The following VIT variants were observed in gnomAD, a reference collection of about 807,000 sequenced individuals.
VIT encodes vitrin.
Under a neutral mutation model 78.0 loss-of-function variants are expected in VIT, and 99 were observed. The observed-to-expected ratio is 1.27, with a 90% CI of 1.08 to 1.50. The LOEUF is 1.50. Among genes scored for constraint, VIT ranks in the 40% most tolerant of loss-of-function variants. VIT has a pLI of 0.00. For synonymous variants in VIT, 374 were observed against 334.3 expected, an observed-to-expected ratio of 1.12 and a Z score of -1.29; for missense variants, 1,126 against 875.3, an observed-to-expected ratio of 1.29 and a Z score of -3.61.
At chr2:36,805,919 GC>G (rs1666688138) in intron 14 of VIT, among the ~76,000 whole-genome samples, 1 of 152,062 alleles carries the variant, frequency 6.6e-6, no homozygotes, top group Non-Finnish European at 1.5e-5. Flanking sequence ...TCCTTCCACA[GC>G]CCCAGGGGGG....
At chr2:36,781,195 C>T (rs1268077219) in intron 9 of VIT, among the ~76,000 whole-genome samples, 1 of 152,148 alleles carries the variant, frequency 6.6e-6, no homozygotes, top group Non-Finnish European at 1.5e-5. Flanking sequence ...GAAGGGAATT[C>T]AAACAGGTGG....
At chr2:36,750,518 A>G (rs1668392359) in intron 4 of VIT, among the ~76,000 whole-genome samples, 1 of 152,196 alleles carries the variant, frequency 6.6e-6, no homozygotes, top group Non-Finnish European at 1.5e-5. Flanking sequence ...CTCACCAAAG[A>G]TGACATTAAA....
At chr2:36,781,084 C>T (rs1664720764) in intron 9 of VIT, among the ~76,000 whole-genome samples, 1 of 152,158 alleles carries the variant, frequency 6.6e-6, no homozygotes, top group Non-Finnish European at 1.5e-5. Flanking sequence ...GTGCTACTTT[C>T]CTTTATTCTG....
Position 36,705,508 on chromosome 2 carries a change from C to T in VIT, c.-19+8535C>T, listed in dbSNP as rs147242158. ...GTCTGAAACACAAGACCAAAAAAGG[C>T]TTTCCCTTTTTGGTTTTCTGACATG... On this transcript the variant is annotated intron_variant, in intron 1 of 15. Transcript: ENST00000379242. Among the ~76,000 whole-genome samples the T allele has an allele frequency of 6.5e-4, 99 of 152,240 alleles. No individual in the cohort carries two copies. The East Asian group carries it at 0.017, about 26-fold the overall frequency.
chr2:36,729,115 A>AT (rs1341691087), intron 2 of VIT, among the ~76,000 whole-genome samples: 1 of 152,226 alleles, frequency 6.6e-6, no homozygotes, highest in Non-Finnish European at 1.5e-5. Context: ...TGTTTACAGT[A>AT]TTCAGTACAG....
At position 36,754,539 on chromosome 2, in the gene VIT, C is replaced by A. The variant is rs1470609598; in HGVS notation, c.276-382C>A. On this transcript the variant is annotated intron_variant, in intron 4 of 15. Transcript: ENST00000379242. ...GTTTACTTTTCATCATTTTATATCA[C>A]CCTTTGGAATAACTAAATTCATTCT... Among the ~76,000 whole-genome samples the A allele has an allele frequency of 3.3e-5, 5 of 152,146 alleles. 1 individual carries two copies. Among genetic ancestry groups the A allele is most frequent in the Admixed American group, 3.3e-4 (5 of 15,274 alleles).
In VIT at chr2:36,775,051, A is replaced by C. The variant is rs778625242; in HGVS notation, c.786A>C (p.Gly262=). The part of the protein sequence containing the change: ...PSGAAFQKPV[G]ADVSLGEMDS... Reference sequence around the variant, plus strand: ...GAGCTGCCTTCCAGAAACCTGTTGGAGCGGATGTCAGCCTGGGTAAGCTGC... The same window carrying C: ...GAGCTGCCTTCCAGAAACCTGTTGGCGCGGATGTCAGCCTGGGTAAGCTGC... Residue 262 remains glycine, a synonymous_variant, in exon 9 of 16, where the codon GGA becomes GGC. Transcript: ENST00000379242. 6 of 1,613,982 alleles carry C rather than the reference A, an allele frequency of 3.7e-6. No homozygotes were observed. The highest frequency in any genetic ancestry group is 5.1e-6 in the Non-Finnish European group (6 of 1,180,004).
chr2:36,720,890 A>G (rs1171826455), intron 2 of VIT, among the ~76,000 whole-genome samples: 3 of 152,144 alleles, frequency 2.0e-5, no homozygotes, highest in African/African-American at 7.2e-5. Flanking sequence ...GGCACCTGTA[A>G]TCTAAGCTAC....
At chr2:36,777,962 C>A (rs1050923568) in intron 9 of VIT, among the ~76,000 whole-genome samples, 15 of 152,150 alleles carry the variant, frequency 9.9e-5, no homozygotes, top group Admixed American at 9.8e-4. Flanking sequence ...TACATGTGGA[C>A]CTGATGATGC....
intron 6 of VIT, among the ~76,000 whole-genome samples, chr2:36,762,003 G>A (rs570168071): frequency 7.9e-5 from 12 of 152,246 alleles, no homozygotes; most frequent in East Asian, 1.9e-4. Flanking sequence ...ATGCAAACTC[G>A]GTATCACCTT....
chr2:36,729,533 C>T (rs1667066834), intron 3 of VIT, 42 bp downstream of exon 3: 2 of 1,580,410 alleles, frequency 1.3e-6, no homozygotes, highest in South Asian at 2.3e-5. Context: ...ATGCTTGTTT[C>T]TCCCACATGG....
chr2:36,723,079 T>C (rs2160329), intron 2 of VIT, among the ~76,000 whole-genome samples: 85,729 of 151,610 alleles, frequency 0.57, 24,549 homozygotes, highest in Admixed American at 0.66. Context: ...ATTAACATGT[T>C]AGTATATTTG....
At chr2:36,739,631 C>T (rs772584596) in intron 3 of VIT, among the ~76,000 whole-genome samples, 12 of 152,130 alleles carry the variant, frequency 7.9e-5, no homozygotes, top group Non-Finnish European at 1.5e-4. Flanking sequence ...GTTCCAAGGG[C>T]CTTTGGGAAG....
At chr2:36,762,964 G>C (rs1458949885) in intron 6 of VIT, among the ~76,000 whole-genome samples, 1 of 152,178 alleles carries the variant, frequency 6.6e-6, no homozygotes, top group Non-Finnish European at 1.5e-5. Flanking sequence ...TTTTTGGCTA[G>C]AGCCTTGAGC....
chr2:36,776,950 G>A (rs565687284), intron 9 of VIT, among the ~76,000 whole-genome samples: 13 of 149,906 alleles, frequency 8.7e-5, no homozygotes, highest in East Asian at 6.0e-4. Flanking sequence ...TTAGCCAGGC[G>A]TGGTGGCGGG....
At chr2:36,703,588 A>G (rs1004011002) in intron 1 of VIT, among the ~76,000 whole-genome samples, 11 of 152,212 alleles carry the variant, frequency 7.2e-5, no homozygotes, top group African/African-American at 2.7e-4. Flanking sequence ...TTTACCCTAA[A>G]TAACGTTTGC....
intron 15 of VIT, among the ~76,000 whole-genome samples, chr2:36,809,411 T>TTTTA (rs921810464): frequency 1.4e-4 from 21 of 152,236 alleles, no homozygotes; most frequent in Admixed American, 2.6e-4. Context: ...TGTTAGTAAC[T>TTTTA]TTTATTTATT....
At chr2:36,808,111 G>A (rs1666862195) in intron 14 of VIT, among the ~76,000 whole-genome samples, 1 of 152,184 alleles carries the variant, frequency 6.6e-6, no homozygotes, top group African/African-American at 2.4e-5. Flanking sequence ...TCATGCCATG[G>A]TACCCACGAA....
At chr2:36,724,884 T>C (rs1666738590) in intron 2 of VIT, among the ~76,000 whole-genome samples, 1 of 152,258 alleles carries the variant, frequency 6.6e-6, no homozygotes. Context: ...AATTTATTAT[T>C]TCACTTACTC....
Sources: gnomAD v4.1 joint callset for allele counts (sites outside exome capture counted in the v4.1 genomes callset) on GRCh38, gnomAD v4.1.1 for gene constraint, MANE v1.5 for transcripts, NCBI Gene and HGNC (gene_info 2026-07-23, HGNC 2026-07-21) for gene names.